Variants in PRKRIP1 observed in about 807,000 individuals in gnomAD.
The protein encoded by PRKRIP1 is PRKR-interacting protein 1.
In PRKRIP1, 29 loss-of-function variants were observed where a neutral mutation model predicts 29.3. The ratio of observed to expected loss-of-function variants is 0.99; its 90% CI spans 0.74 to 1.35. PRKRIP1 has a LOEUF of 1.35. PRKRIP1 is among the 40% of genes most tolerant of loss of function. The pLI, the probability that PRKRIP1 is intolerant of heterozygous loss-of-function variation, is 0.00. For synonymous variants in PRKRIP1, 90 were observed against 85.1 expected (o/e 1.06, Z -0.32); for missense variants, 247 against 236.8 (o/e 1.04, Z -0.28).
chr7:102,417,383 A>G (rs1796580735), intron 5 of PRKRIP1, among the ~76,000 whole-genome samples: 1 of 152,116 alleles, frequency 6.6e-6, no homozygotes, highest in South Asian at 2.1e-4. Flanking sequence ...ACAGTGGAGA[A>G]TCTACATGCG....
Position 102,396,552 on chromosome 7 carries a change from A to G in PRKRIP1, c.126+15A>G. 6.2e-7 allele frequency: 1 copy of G among 1,602,894 alleles called. No individual in the cohort carries two copies. Among genetic ancestry groups the G allele is most frequent in the Admixed American group, 1.7e-5 (1 of 57,824 alleles). On this transcript the variant is annotated intron_variant, in intron 1 of 5. Transcript: ENST00000397912. Reference sequence around the variant, plus strand: ...TGAAGAACCCGGTGAGACGAGGCCCAGGCTCCACGGCCCGTCCGAGGCCCA... The same window carrying G: ...TGAAGAACCCGGTGAGACGAGGCCCGGGCTCCACGGCCCGTCCGAGGCCCA...
At chr7:102,402,003 C>G (rs1796086622) in intron 3 of PRKRIP1, among the ~76,000 whole-genome samples, 1 of 152,108 alleles carries the variant, frequency 6.6e-6, no homozygotes, top group Admixed American at 6.6e-5. Flanking sequence ...TTTTCCTGGC[C>G]CCTGGGTGTT....
rs781934946 is a variant in PRKRIP1, at chr7:102,425,572, G to A, written c.*461G>A. The stretch of plus-strand genomic sequence containing the variant: ...TGGTCCCAGGCTCAGTGAGGAGATG[G>A]CCTCAGCTGTGGGGCTGGTCCATGT... On this transcript the variant is annotated 3_prime_UTR_variant, in exon 6 of 6. Transcript: ENST00000397912. 1.8e-5 allele frequency: 5 copies of A among 274,946 alleles called. No homozygotes were observed. The highest frequency in any genetic ancestry group is 3.5e-5 in the Non-Finnish European group (5 of 140,966). The allele number at this position is 274,946 out of a possible 1,614,324, so 17.0% of individuals were successfully genotyped here. A position where few individuals can be genotyped will look rare whatever the true frequency, so the allele number is the denominator to read the frequency against.
chr7:102,403,150 C>T (rs555479545), intron 3 of PRKRIP1, among the ~76,000 whole-genome samples: 1 of 152,298 alleles, frequency 6.6e-6, no homozygotes, highest in East Asian at 1.9e-4. Context: ...GCTGGGATTA[C>T]AGGAGTGAGC....
At chr7:102,418,044 TTCTTC>T (rs869164508) in intron 5 of PRKRIP1, among the ~76,000 whole-genome samples, 612 of 135,268 alleles carry the variant, frequency 4.5e-3, no homozygotes, top group East Asian at 0.012. Context: ...CTTCTTCTTC[TTCTTC>T]TTTTTTTTTT....
chr7:102,410,739 G>A (rs531848380), intron 5 of PRKRIP1, among the ~76,000 whole-genome samples: 2 of 152,278 alleles, frequency 1.3e-5, no homozygotes, highest in South Asian at 4.1e-4. Context: ...CCTTTATGGA[G>A]GAGCAGATTT....
chr7:102,415,871 C>A (rs1382884074), intron 5 of PRKRIP1, among the ~76,000 whole-genome samples: 1 of 152,268 alleles, frequency 6.6e-6, no homozygotes, highest in African/African-American at 2.4e-5. Flanking sequence ...CTGGCCCTCA[C>A]GGTCTGGCCC....
At chr7:102,420,863 C>G (rs1228461697) in intron 5 of PRKRIP1, among the ~76,000 whole-genome samples, 1 of 152,178 alleles carries the variant, frequency 6.6e-6, no homozygotes, top group South Asian at 2.1e-4. Flanking sequence ...TATTCAGTGT[C>G]TCCCAGGGAC....
At chr7:102,418,043 CTTCTTCTT>C (rs1563622455) in intron 5 of PRKRIP1, among the ~76,000 whole-genome samples, 15 of 141,902 alleles carry the variant, frequency 1.1e-4, no homozygotes, top group Admixed American at 2.1e-4. Flanking sequence ...TCTTCTTCTT[CTTCTTCTT>C]TTTTTTTTTT....
intron 4 of PRKRIP1, among the ~76,000 whole-genome samples, chr7:102,405,021 G>A (rs1796177209): frequency 6.6e-6 from 1 of 151,998 alleles, no homozygotes; most frequent in African/African-American, 2.4e-5. Flanking sequence ...CCGCCTCCTG[G>A]GTTCAAGCAA....
At position 102,426,446 on chromosome 7, in the gene PRKRIP1, A is replaced by C. The variant is rs1275941130; in HGVS notation, c.*1335A>C. ...TTTTATGCCCCTTACGTACTTTGAT[A>C]GAACTAAGGAAATAGTGGTTTTGAG... On this transcript the variant is annotated 3_prime_UTR_variant, in exon 6 of 6. Transcript: ENST00000397912. The C allele has an allele frequency of 6.5e-6, 1 of 152,710 alleles. No individual in the cohort carries two copies. The highest frequency in any genetic ancestry group is 1.5e-5 in the Non-Finnish European group (1 of 68,064). 9.5% of individuals were successfully genotyped at this position (152,710 alleles called of 1,614,324 possible).
chr7:102,418,497 A>G (rs894834107), intron 5 of PRKRIP1, among the ~76,000 whole-genome samples: 12 of 152,188 alleles, frequency 7.9e-5, no homozygotes, highest in African/African-American at 2.9e-4. Flanking sequence ...ACCAGTATAT[A>G]TGTACATATC....
At chr7:102,416,771 C>A (rs1303453620) in intron 5 of PRKRIP1, among the ~76,000 whole-genome samples, 2 of 151,036 alleles carry the variant, frequency 1.3e-5, no homozygotes, top group African/African-American at 4.9e-5. Flanking sequence ...CCTCGAACTT[C>A]TGGGCTCAGG....
At chr7:102,419,845 T>TGTGTG (rs1796645239) in intron 5 of PRKRIP1, among the ~76,000 whole-genome samples, 2 of 142,718 alleles carry the variant, frequency 1.4e-5, no homozygotes, top group African/African-American at 5.4e-5. Flanking sequence ...TTTTGTGTTT[T>TGTGTG]TGTGTGTGTG....
intron 3 of PRKRIP1, among the ~76,000 whole-genome samples, chr7:102,404,025 A>T (rs1222182592): frequency 6.6e-6 from 1 of 152,130 alleles, no homozygotes; most frequent in Non-Finnish European, 1.5e-5. Context: ...AATTAGCCAG[A>T]TGTAATGGCA....
At chr7:102,399,128 AAG>A (rs1191524967) in intron 2 of PRKRIP1, among the ~76,000 whole-genome samples, 8 of 152,228 alleles carry the variant, frequency 5.3e-5, no homozygotes, top group Non-Finnish European at 8.8e-5. Context: ...TCTCAAAAAA[AAG>A]AAAAAAGCTG....
intron 5 of PRKRIP1, among the ~76,000 whole-genome samples, chr7:102,418,196 C>T (rs782177090): frequency 2.6e-5 from 4 of 151,846 alleles, no homozygotes; most frequent in South Asian, 2.1e-4. Context: ...ATTATAGGCA[C>T]GTGCCACCAC....
chr7:102,399,743 G>A, intron 3 of PRKRIP1, 95 bp downstream of exon 3: 1 of 966,038 alleles, frequency 1.0e-6, no homozygotes, highest in Non-Finnish European at 1.6e-6. Flanking sequence ...GGGCGTGGTG[G>A]CTCAGGCCTG....
At position 102,404,598 on chromosome 7, in the gene PRKRIP1, C is replaced by CA; in HGVS notation, c.312dup (p.Leu105IlefsTer13). The CA allele has an allele frequency of 6.2e-7, 1 of 1,613,062 alleles. No individual in the cohort carries two copies. Among genetic ancestry groups the CA allele is most frequent in the Non-Finnish European group, 8.5e-7 (1 of 1,179,386 alleles). On this transcript the variant is annotated frameshift_variant and splice_region_variant, in exon 4 of 6. Transcript: ENST00000397912. LOFTEE classifies it high-confidence loss of function. The stretch of plus-strand genomic sequence containing the variant: ...CTAAATGATGTGGGTTTTGTTGCAG[C>CA]AAAAATTGGATGCAGAGTTTCAGAA...
Sources: allele counts gnomAD v4.1 joint callset (sites outside exome capture counted in the v4.1 genomes callset), GRCh38; gene constraint gnomAD v4.1.1; transcripts MANE v1.5; gene names NCBI Gene and HGNC (gene_info 2026-07-23, HGNC 2026-07-21).